GLB1: variants seen among roughly 807,000 people sequenced by gnomAD.
GLB1 encodes beta-galactosidase.
GLB1 carries 56 observed loss-of-function variants against 74.0 expected under a neutral mutation model. The observed-to-expected ratio is 0.76, with a 90% CI of 0.61 to 0.94. The LOEUF (loss-of-function observed/expected upper bound fraction) is 0.94, where lower values mean the gene tolerates loss of function less well. GLB1 is among the 40% of genes least tolerant of loss of function. The probability of loss-of-function intolerance (pLI) is 0.00; values close to 1 mark genes in which losing one functional copy is unlikely to be tolerated. For synonymous variants in GLB1, 323 were observed against 323.6 expected (o/e 1.00, Z 0.02); for missense variants, 787 against 845.5 (o/e 0.93, Z 0.86).
intron 15 of GLB1, among the ~76,000 whole-genome samples, chr3:32,997,567 G>A (rs1054120004): frequency 6.6e-6 from 1 of 152,118 alleles, no homozygotes; most frequent in African/African-American, 2.4e-5. Flanking sequence ...CTTCTTTGGG[G>A]CAACAAAAAC....
At chr3:33,083,113 A>G (rs534216820) in intron 1 of GLB1, among the ~76,000 whole-genome samples, 1 of 152,180 alleles carries the variant, frequency 6.6e-6, no homozygotes, top group Admixed American at 6.5e-5. Flanking sequence ...AAAAGTGGGA[A>G]TAGGCCAGGT....
At chr3:33,018,913 A>G (rs1433570414) in intron 12 of GLB1, among the ~76,000 whole-genome samples, 3 of 152,178 alleles carry the variant, frequency 2.0e-5, no homozygotes, top group Admixed American at 2.0e-4. Context: ...AACAAAACTA[A>G]GTAAAACCAA....
At chr3:33,075,586 C>G (rs1422724872) in intron 1 of GLB1, among the ~76,000 whole-genome samples, 2 of 152,126 alleles carry the variant, frequency 1.3e-5, no homozygotes, top group African/African-American at 4.8e-5. Flanking sequence ...TAGAAGAAAC[C>G]CAAGGGTTAA....
chr3:33,051,631 A>AG (rs1698993141), intron 9 of GLB1, 127 bp downstream of exon 9: 2 of 1,365,702 alleles, frequency 1.5e-6, no homozygotes, highest in South Asian at 1.4e-5. Flanking sequence ...AAAAAGAAAA[A>AG]AAAAGAAAAT....
chr3:32,965,887 A>G, the GLB1 span, among the ~76,000 whole-genome samples: 1 of 152,240 alleles, frequency 6.6e-6, no homozygotes, highest in African/African-American at 2.4e-5. Context: ...GCAAGCCCCA[A>G]TCCTTGGCAG....
chr3:33,052,201 A>G (rs1699023406), intron 7 of GLB1, among the ~76,000 whole-genome samples, 197 bp from the exon 8 acceptor site: 1 of 152,338 alleles, frequency 6.6e-6, no homozygotes, highest in African/African-American at 2.4e-5. Flanking sequence ...TCTAACCTAA[A>G]GTAGATCTCA....
At chr3:33,068,418 CT>C in intron 3 of GLB1, 128 bp from the exon 4 acceptor site, 1 of 1,296,670 alleles carries the variant, frequency 7.7e-7, no homozygotes, top group Non-Finnish European at 1.0e-6. Context: ...TTGAGCTGGG[CT>C]TTTTGGTTTA....
Position 33,045,923 on chromosome 3 carries a change from C to G in GLB1, c.1068+197G>C, listed in dbSNP as rs950855224. 3 of 880,094 alleles carry G rather than the reference C, an allele frequency of 3.4e-6. No individual in the cohort carries two copies. The African/African-American group carries it at 5.1e-5, about 15-fold the overall frequency. 54.5% of individuals were successfully genotyped at this position (880,094 alleles called of 1,614,324 possible). A position where few individuals can be genotyped will look rare whatever the true frequency, so the allele number is the denominator to read the frequency against. The stretch of plus-strand genomic sequence containing the variant: ...AAATACATGTCTTATATCTCCTACT[C>G]TCCTATAAGCATCTGCTCATAGACT... On this transcript the variant is annotated intron_variant, in intron 10 of 15. Coordinates refer to ENST00000307363, the MANE Select transcript of GLB1 (RefSeq NM_000404.4).
chr3:33,059,244 T>TACACAC lies in GLB1; in HGVS notation c.553-981_553-976dup, dbSNP rs55785242. On this transcript the variant is annotated intron_variant, in intron 5 of 15. Coordinates refer to ENST00000307363, the MANE Select transcript of GLB1 (RefSeq NM_000404.4). ...AATTATTCCTTATTTATATAAAACA[T>TACACAC]ACACACACACACACACACACACACA... Among the ~76,000 whole-genome samples the TACACAC allele has an allele frequency of 2.9e-3, 422 of 144,442 alleles. 4 individuals are homozygous for TACACAC. Among genetic ancestry groups the TACACAC allele is most frequent in the African/African-American group, 8.3e-3 (316 of 38,146 alleles). 94.8% of individuals were successfully genotyped at this position (144,442 alleles called of 152,430 possible).
At chr3:32,970,922 C>A in the GLB1 span, among the ~76,000 whole-genome samples, 1 of 152,154 alleles carries the variant, frequency 6.6e-6, no homozygotes, top group Non-Finnish European at 1.5e-5. Flanking sequence ...ACCAAATAAT[C>A]CCCTCCCTCC....
chr3:32,999,465 G>C (rs1452820247), intron 15 of GLB1, among the ~76,000 whole-genome samples: 4 of 152,170 alleles, frequency 2.6e-5, no homozygotes, highest in Admixed American at 6.5e-5. Flanking sequence ...AATCGCAGGT[G>C]AACAAAGTGG....
At chr3:33,087,044 T>TA (rs1315805193) in intron 1 of GLB1, among the ~76,000 whole-genome samples, 2 of 149,186 alleles carry the variant, frequency 1.3e-5, no homozygotes, top group South Asian at 2.2e-4. Flanking sequence ...TAACTAGATT[T>TA]AAAAAAAAGA....
intron 1 of GLB1, 74 bp from the exon 2 acceptor site, chr3:33,072,787 A>C: frequency 6.3e-7 from 1 of 1,589,100 alleles, no homozygotes; most frequent in Non-Finnish European, 8.6e-7. Context: ...TGAGAGTAGC[A>C]AGTGACTCTC....
At chr3:33,003,301 C>T (rs1696652848) in intron 15 of GLB1, among the ~76,000 whole-genome samples, 1 of 152,172 alleles carries the variant, frequency 6.6e-6, no homozygotes, top group African/African-American at 2.4e-5. Flanking sequence ...CTTTTTAATA[C>T]AATAGCTTAC....
the GLB1 span, among the ~76,000 whole-genome samples, chr3:32,970,586 A>C: frequency 6.6e-6 from 1 of 152,070 alleles, no homozygotes; most frequent in African/African-American, 2.4e-5. Flanking sequence ...CCACTCTAGG[A>C]CCCATATAGG....
chr3:33,056,231 A>C (rs1364296046), intron 6 of GLB1, among the ~76,000 whole-genome samples: 4 of 78,294 alleles, frequency 5.1e-5, no homozygotes, highest in African/African-American at 2.0e-4. Flanking sequence ...CCACCTCAAA[A>C]AAAAAAAAAA....
chr3:33,011,638 C>CAAA (rs11342344), intron 15 of GLB1, among the ~76,000 whole-genome samples: 15 of 84,050 alleles, frequency 1.8e-4, no homozygotes, highest in East Asian at 3.6e-4. Flanking sequence ...GAGTCCATCT[C>CAAA]AAAAAAAAAA....
the GLB1 span, among the ~76,000 whole-genome samples, chr3:32,961,627 C>G: frequency 3.3e-5 from 5 of 152,104 alleles, no homozygotes; most frequent in Non-Finnish European, 5.9e-5. Flanking sequence ...TCGTCCTAGG[C>G]AGAAACACAA....
chr3:33,074,385 GAAGGAAGA>G (rs1404028826), intron 1 of GLB1, among the ~76,000 whole-genome samples: 1,371 of 19,146 alleles, frequency 0.072, 40 homozygotes, highest in Non-Finnish European at 0.11. Context: ...AGGAAGGAAG[GAAGGAAGA>G]AAGAAAGAAA....
Sources: allele counts gnomAD v4.1 joint callset (sites outside exome capture counted in the v4.1 genomes callset), GRCh38; gene constraint gnomAD v4.1.1; transcripts MANE v1.5; gene names NCBI Gene and HGNC (gene_info 2026-07-23, HGNC 2026-07-21).